The following CD96 variants were observed in gnomAD, a reference collection of about 807,000 sequenced individuals.
CD96 encodes the protein T-cell surface protein tactile.
In CD96, 70 loss-of-function variants were observed where a neutral mutation model predicts 71.3. The ratio of observed to expected loss-of-function variants is 0.98; its 90% confidence interval spans 0.81 to 1.20. The LOEUF is 1.20. CD96 is among the 50% of genes most tolerant of loss of function. The pLI is 0.00. For synonymous variants in CD96, 248 were observed against 233.0 expected, an observed-to-expected ratio of 1.06 and a Z score of -0.59; for missense variants, 742 against 677.5, an observed-to-expected ratio of 1.10 and a Z score of -1.06.
intron 1 of CD96, among the ~76,000 whole-genome samples, chr3:111,544,695 CG>C (rs1559706931): frequency 6.6e-6 from 1 of 151,804 alleles, no homozygotes; most frequent in Non-Finnish European, 1.5e-5. Context: ...TTATATTAAA[CG>C]TAAGAAGAAT....
chr3:111,592,720 C>T (rs536524197), intron 5 of CD96, among the ~76,000 whole-genome samples: 1 of 152,280 alleles, frequency 6.6e-6, no homozygotes, highest in South Asian at 2.1e-4. Context: ...AACTCCTTTT[C>T]CTTTGACAAA....
chr3:111,560,976 T>C (rs1248481359), intron 2 of CD96, among the ~76,000 whole-genome samples: 1 of 141,602 alleles, frequency 7.1e-6, no homozygotes, highest in African/African-American at 2.8e-5. Context: ...CCATTGCTGA[T>C]ACCCTTTCTT....
At chr3:111,544,401 C>T (rs1934274231) in intron 1 of CD96, among the ~76,000 whole-genome samples, 1 of 151,872 alleles carries the variant, frequency 6.6e-6, no homozygotes, top group Non-Finnish European at 1.5e-5. Context: ...CCTCAGCCTC[C>T]CAAAGTGCTG....
intron 8 of CD96, among the ~76,000 whole-genome samples, chr3:111,607,670 T>C (rs943724403): frequency 6.6e-6 from 1 of 152,318 alleles, no homozygotes; most frequent in African/African-American, 2.4e-5. Context: ...GAATGAACAA[T>C]TCCTTTGGCT....
intron 2 of CD96, among the ~76,000 whole-genome samples, chr3:111,549,275 G>C (rs1934573749): frequency 1.3e-5 from 2 of 152,014 alleles, no homozygotes; most frequent in Admixed American, 1.3e-4. Context: ...AGGTTCTATG[G>C]GGGAAGGAAG....
chr3:111,614,371 C>T (rs1049124452), intron 8 of CD96, among the ~76,000 whole-genome samples: 1 of 152,060 alleles, frequency 6.6e-6, no homozygotes, highest in Non-Finnish European at 1.5e-5. Flanking sequence ...GAAGGAACTT[C>T]CTTAATAGGC....
intron 8 of CD96, among the ~76,000 whole-genome samples, chr3:111,607,576 G>A (rs1937681752): frequency 6.6e-6 from 1 of 152,180 alleles, no homozygotes; most frequent in Non-Finnish European, 1.5e-5. Flanking sequence ...TAGAAGTATG[G>A]CTCTCATTTC....
At chr3:111,593,535 C>T in intron 5 of CD96, 1 of 1,511,362 alleles carries the variant, frequency 6.6e-7, no homozygotes, top group Non-Finnish European at 8.9e-7. Context: ...ATAGATTCTC[C>T]AAGCCCAATT....
chr3:111,569,326 A>G (rs1320012703), intron 3 of CD96, among the ~76,000 whole-genome samples: 1 of 152,244 alleles, frequency 6.6e-6, no homozygotes, highest in African/African-American at 2.4e-5. Flanking sequence ...AACCTACAGT[A>G]TCTCTTTGTC....
intron 3 of CD96, chr3:111,571,018 T>G: frequency 7.0e-7 from 1 of 1,427,488 alleles, no homozygotes; most frequent in East Asian, 2.3e-5. Flanking sequence ...AGCTTCTCTT[T>G]TGGGGTCAGC....
intron 2 of CD96, among the ~76,000 whole-genome samples, chr3:111,567,057 G>A (rs574581646): frequency 6.6e-6 from 1 of 152,230 alleles, no homozygotes; most frequent in South Asian, 2.1e-4. Context: ...CCACAGTGGG[G>A]GAGGCTGTGG....
At chr3:111,658,338 G>C (rs928325970) in intron 14 of CD96, among the ~76,000 whole-genome samples, 1 of 152,276 alleles carries the variant, frequency 6.6e-6, no homozygotes, top group African/African-American at 2.4e-5. Context: ...TATATAGATA[G>C]GTAGATAGGT....
At chr3:111,628,511 G>C (rs1015326761) in intron 10 of CD96, among the ~76,000 whole-genome samples, 1 of 152,192 alleles carries the variant, frequency 6.6e-6, no homozygotes. Flanking sequence ...AAACATTTGA[G>C]AAACAGGGGA....
chr3:111,581,109 T>C (rs1432607149), intron 4 of CD96, among the ~76,000 whole-genome samples: 1 of 152,224 alleles, frequency 6.6e-6, no homozygotes, highest in Non-Finnish European at 1.5e-5. Context: ...TTTATCACCC[T>C]ATTGGATTCT....
At chr3:111,588,921 GC>G (rs1936838550) in intron 5 of CD96, among the ~76,000 whole-genome samples, 1 of 151,072 alleles carries the variant, frequency 6.6e-6, no homozygotes, top group Non-Finnish European at 1.5e-5. Context: ...TAATCATACA[GC>G]TTTTGGTAGG....
chr3:111,563,928 A>T (rs896076357), intron 2 of CD96, among the ~76,000 whole-genome samples: 20 of 152,184 alleles, frequency 1.3e-4, no homozygotes, highest in African/African-American at 4.8e-4. Context: ...AGTCTTTATT[A>T]AAAAAGACTT....
In CD96 at chr3:111,650,106, T is replaced by C; in HGVS notation, c.*300T>C. 2.7e-6 allele frequency: 1 copy of C among 376,028 alleles called. No individual in the cohort carries two copies. Among genetic ancestry groups the C allele is most frequent in the South Asian group, 2.4e-5 (1 of 42,032 alleles). 23.3% of individuals were successfully genotyped at this position (376,028 alleles called of 1,614,324 possible). On this transcript the variant is annotated 3_prime_UTR_variant, in exon 14 of 14. Coordinates refer to ENST00000352690, the MANE Select transcript of CD96 (RefSeq NM_005816.5). ...TTTAAAAAAAAATACAGTATTTTCA[T>C]TTAAATTCTCTGATGGAGGGACAAC... is the stretch of plus-strand genomic sequence containing the variant.
intron 12 of CD96, among the ~76,000 whole-genome samples, chr3:111,644,335 C>A (rs925347464): frequency 7.9e-5 from 12 of 151,988 alleles, no homozygotes; most frequent in African/African-American, 2.7e-4. Context: ...AGGATTTAAA[C>A]CTAAGACCTG....
At chr3:111,571,188 T>G (rs1935966714) in intron 3 of CD96, 1 of 529,702 alleles carries the variant, frequency 1.9e-6, no homozygotes, top group Non-Finnish European at 3.3e-6. Flanking sequence ...GGAGTAAGAG[T>G]TTTTTTGTTT....
Sources: allele counts gnomAD v4.1 joint callset (sites outside exome capture counted in the v4.1 genomes callset), GRCh38; gene constraint gnomAD v4.1.1; transcripts MANE v1.5; gene names NCBI Gene and HGNC (gene_info 2026-07-23, HGNC 2026-07-21).